The following ATXN10 variants were observed in gnomAD, a reference collection of about 807,000 sequenced individuals.
ATXN10 encodes ataxin 10, also known as ataxin-10.
A neutral mutation model predicts 52.9 loss-of-function variants in ATXN10; 28 were observed. The ratio of observed to expected loss-of-function variants is 0.53; its 90% CI spans 0.39 to 0.73. ATXN10 has a LOEUF of 0.73. ATXN10 is among the 30% of genes least tolerant of loss of function. ATXN10 has a pLI of 0.00. For missense variants in ATXN10, 565 were observed against 577.0 expected, an observed-to-expected ratio of 0.98 and a Z score of 0.21; for synonymous variants, 226 against 221.5, an observed-to-expected ratio of 1.02 and a Z score of -0.18.
chr22:45,731,234 T>G (rs1925077772), intron 7 of ATXN10, among the ~76,000 whole-genome samples: 1 of 152,208 alleles, frequency 6.6e-6, no homozygotes, highest in South Asian at 2.1e-4. Flanking sequence ...CCAGACAGAC[T>G]AGAAAACATG....
intron 6 of ATXN10, among the ~76,000 whole-genome samples, chr22:45,722,698 A>G (rs1924703969): frequency 6.6e-6 from 1 of 151,876 alleles, no homozygotes; most frequent in African/African-American, 2.4e-5. Flanking sequence ...ATCTCCCTGC[A>G]CCTCATCCGC....
rs1927393475 is a variant in ATXN10, at chr22:45,788,437, A to G, written c.1174-18522A>G. 2.0e-5 allele frequency among the ~76,000 whole-genome samples: 3 copies of G among 147,128 alleles called. No individual in the cohort carries two copies. The South Asian group carries it at 6.6e-4, about 32-fold the overall frequency. ...CTAGAGAGCAGTTAGTGTCTGATCT[A>G]CCTTTACCATGTATCTCGTATCCAC... On this transcript the variant is annotated intron_variant, in intron 9 of 11. Coordinates refer to ENST00000252934, the MANE Select transcript of ATXN10 (RefSeq NM_013236.4).
rs1289528588 is a variant in ATXN10, at chr22:45,818,240, G to A, written c.1237+11218G>A. On this transcript the variant is annotated intron_variant, in intron 10 of 11. Coordinates refer to ENST00000252934, the MANE Select transcript of ATXN10 (RefSeq NM_013236.4). The surrounding 1 kb of genome is among the most constrained non-coding windows in gnomAD (Gnocchi z 4.6). ...GCACACTGGGAGTTTTACAGTGTACGGATTGGCAGACAGCCTGGCTTCTTT... is the reference window on the plus strand; with the variant it reads ...GCACACTGGGAGTTTTACAGTGTACAGATTGGCAGACAGCCTGGCTTCTTT... 2.0e-5 allele frequency among the ~76,000 whole-genome samples: 3 copies of A among 152,158 alleles called. No homozygotes were observed. The highest frequency in any genetic ancestry group is 4.8e-5 in the African/African-American group (2 of 41,446).
intron 9 of ATXN10, among the ~76,000 whole-genome samples, chr22:45,796,585 C>G (rs1168174767): frequency 6.6e-6 from 1 of 152,178 alleles, no homozygotes; most frequent in Non-Finnish European, 1.5e-5. Context: ...TAAAATTTCT[C>G]TCCTTTGTAC....
At chr22:45,721,807 C>T (rs146102271) in intron 6 of ATXN10, among the ~76,000 whole-genome samples, 167 of 152,182 alleles carry the variant, frequency 1.1e-3, no homozygotes, top group African/African-American at 3.5e-3. Context: ...TCCAGCTACT[C>T]GGGAGGCTAA....
At chr22:45,831,747 A>T (rs1376155592) in intron 10 of ATXN10, among the ~76,000 whole-genome samples, 4 of 152,132 alleles carry the variant, frequency 2.6e-5, no homozygotes, top group African/African-American at 4.8e-5. Context: ...GCCCAAGAAC[A>T]TAATCACTTT....
At position 45,727,331 on chromosome 22, in the gene ATXN10, A is replaced by ATATCTGTCTATC. The variant is rs1924913941; in HGVS notation, c.729-2089_729-2088insGTCTATCTATCT. On this transcript the variant is annotated intron_variant, in intron 6 of 11. Transcript: ENST00000252934. The surrounding 1 kb of genome is among the most constrained non-coding windows in gnomAD (Gnocchi z 4.6). Reference sequence around the variant, plus strand: ...GTTCTGTCTGTCTGTCTATCTATCTATATCTATCTATCTATCTATCTATCT... The same window carrying ATATCTGTCTATC: ...GTTCTGTCTGTCTGTCTATCTATCTATATCTGTCTATCTATCTATCTATCTATCTATCTATCT... 1.4e-5 allele frequency among the ~76,000 whole-genome samples: 2 copies of ATATCTGTCTATC among 146,796 alleles called. No individual in the cohort carries two copies. The highest frequency in any genetic ancestry group is 4.5e-4 in the South Asian group (2 of 4,470).
chr22:45,822,523 A>ATTTTTTTTTT (rs763159693), intron 10 of ATXN10, among the ~76,000 whole-genome samples: 3 of 96,634 alleles, frequency 3.1e-5, no homozygotes, highest in African/African-American at 4.5e-5. Context: ...AATTTCTCCA[A>ATTTTTTTTTT]TTTTTTTTTT....
At position 45,769,694 on chromosome 22, in the gene ATXN10, C is replaced by T. The variant is rs940865893; in HGVS notation, c.1173+29156C>T. Among the ~76,000 whole-genome samples the T allele has an allele frequency of 5.3e-5, 8 of 152,126 alleles. No individual in the cohort carries two copies. The highest frequency in any genetic ancestry group is 1.9e-4 in the African/African-American group (8 of 41,428). The stretch of plus-strand genomic sequence containing the variant: ...CGATTCCCTAGGACCTTGAAGCCAG[C>T]CTTGGGCATCTTCCTGGCCAGGAGC... On this transcript the variant is annotated intron_variant, in intron 9 of 11. Coordinates refer to ENST00000252934, the MANE Select transcript of ATXN10 (RefSeq NM_013236.4). This position sits in a 1 kb window ranked among gnomAD's most constrained non-coding sequence, Gnocchi z 4.2.
chr22:45,751,843 GT>G (rs138181), intron 9 of ATXN10, among the ~76,000 whole-genome samples: 3,869 of 132,544 alleles, frequency 0.029, 98 homozygotes, highest in African/African-American at 0.068. Flanking sequence ...AGCATATTTA[GT>G]TTTTTTTTTT....
chr22:45,762,237 CT>C lies in ATXN10; in HGVS notation c.1173+21700del, dbSNP rs532854479. ...TTTATTTGCCCTTTGTCTGTTTCCC[CT>C]GACCAGCGTGCGTTTCTTTCTGGAG... On this transcript the variant is annotated intron_variant, in intron 9 of 11. Transcript: ENST00000252934. This position sits in a 1 kb window ranked among gnomAD's most constrained non-coding sequence, Gnocchi z 4.3. Among the ~76,000 whole-genome samples the C allele has an allele frequency of 1.9e-3, 284 of 152,324 alleles. 3 individuals carry two copies. The highest frequency in any genetic ancestry group is 6.4e-3 in the African/African-American group (265 of 41,574).
rs1408862752 is a variant in ATXN10, at chr22:45,787,523, C to A, written c.1174-19436C>A. ...AAGCCTGGCATTTGCTTCTTTTGAC[C>A]TTCGGTACTCAGTAGACTTACTGTA... is the stretch of plus-strand genomic sequence containing the variant. On this transcript the variant is annotated intron_variant, in intron 9 of 11. Coordinates refer to ENST00000252934, the MANE Select transcript of ATXN10 (RefSeq NM_013236.4). The surrounding 1 kb of genome is among the most constrained non-coding windows in gnomAD (Gnocchi z 4.2). Among the ~76,000 whole-genome samples the A allele has an allele frequency of 6.6e-6, 1 of 152,188 alleles. No individual in the cohort carries two copies. The highest frequency in any genetic ancestry group is 2.4e-5 in the African/African-American group (1 of 41,438).
At chr22:45,707,061 T>C (rs909259711) in intron 5 of ATXN10, among the ~76,000 whole-genome samples, 4 of 152,228 alleles carry the variant, frequency 2.6e-5, no homozygotes, top group Non-Finnish European at 5.9e-5. Flanking sequence ...ATATTTATTA[T>C]TGTTATACCT....
Position 45,740,441 on chromosome 22 carries a change from C to T in ATXN10, c.1076C>T (p.Ala359Val), listed in dbSNP as rs768204364. The change falls in exon 9 of 12, where the codon GCA becomes GTA. Residue 359 changes from alanine to valine, a missense_variant. Ala to Val is a moderately conservative substitution (Grantham distance 64). Transcript: ENST00000252934. ...NIFSNCGCVR[A>V]EGDISNVANG... ...TTCAGTAATTGTGGTTGCGTGAGAG[C>T]AGAAGGTGACATCTCCAATGTGGCC... 4.3e-6 allele frequency: 7 copies of T among 1,613,714 alleles called. No homozygotes were observed. In the Middle Eastern group the frequency reaches 4.9e-4, roughly 114 times the overall value.
At chr22:45,700,511 G>A (rs1485559993) in intron 4 of ATXN10, 133 bp downstream of exon 4, 3 of 739,720 alleles carry the variant, frequency 4.1e-6, no homozygotes, top group Non-Finnish European at 4.7e-6. Flanking sequence ...GTTCTTGGTG[G>A]GTGGGTACCA....
At chr22:45,723,205 T>G (rs1372429098) in intron 6 of ATXN10, among the ~76,000 whole-genome samples, 1 of 152,092 alleles carries the variant, frequency 6.6e-6, no homozygotes, top group South Asian at 2.1e-4. Context: ...ATGATAGAGA[T>G]ATATATAGAT....
intron 10 of ATXN10, among the ~76,000 whole-genome samples, chr22:45,812,266 A>G (rs927042408): frequency 6.6e-6 from 1 of 152,164 alleles, no homozygotes; most frequent in Non-Finnish European, 1.5e-5. Flanking sequence ...TGTCTGGATT[A>G]CCCGCTGGAT....
rs181562318 is a variant in ATXN10 at position 45,712,554 on chromosome 22, A to C, written c.648-5859A>C. On this transcript the variant is annotated intron_variant, in intron 5 of 11. Transcript: ENST00000252934. The surrounding 1 kb of genome is among the most constrained non-coding windows in gnomAD (Gnocchi z 4.6). ...TCAAACCCAGCTCTTTCTGAGACCA[A>C]AATTTGTGCTCTTAATCTGTACACC... 1.3e-4 allele frequency among the ~76,000 whole-genome samples: 20 copies of C among 152,242 alleles called. No homozygotes were observed. The East Asian group carries it at 3.9e-3, about 29-fold the overall frequency.
chr22:45,800,382 T>C (rs1927892182), intron 9 of ATXN10, among the ~76,000 whole-genome samples: 1 of 152,230 alleles, frequency 6.6e-6, no homozygotes, highest in Non-Finnish European at 1.5e-5. Flanking sequence ...TACTTTACAT[T>C]ATTAGCCATC....
Sources: gnomAD v4.1 joint callset for allele counts (sites outside exome capture counted in the v4.1 genomes callset) on GRCh38, gnomAD v4.1.1 for gene constraint, Gnocchi (gnomAD v3.1) non-coding constraint, MANE v1.5 for transcripts, NCBI Gene and HGNC (gene_info 2026-07-23, HGNC 2026-07-21) for gene names.